DRD3: variants seen among roughly 807,000 people sequenced by gnomAD.
The protein encoded by DRD3 is dopamine receptor D3, also known as D(3) dopamine receptor.
A neutral mutation model predicts 36.3 loss-of-function variants in DRD3; 19 were observed. The observed-to-expected ratio is 0.52, with a 90% CI of 0.36 to 0.77. The LOEUF is 0.77. Among genes scored for constraint, DRD3 ranks in the 30% least tolerant of loss-of-function variants. DRD3 has a pLI of 0.00. For synonymous variants in DRD3, 195 were observed against 203.7 expected (o/e 0.96, Z 0.36); for missense variants, 465 against 505.3 (o/e 0.92, Z 0.77).
intron 1 of DRD3, among the ~76,000 whole-genome samples, chr3:114,189,837 G>A (rs1445020193): frequency 6.6e-6 from 1 of 152,148 alleles, no homozygotes; most frequent in Non-Finnish European, 1.5e-5. Flanking sequence ...CTGAACCCTT[G>A]AACCTAGCAC....
rs963538087 is a variant in DRD3, at chr3:114,128,904, T to C, written c.1015A>G (p.Ile339Val). 3.1e-6 allele frequency: 5 copies of C among 1,597,818 alleles called. No homozygotes were observed. The highest frequency in any genetic ancestry group is 4.3e-6 in the Non-Finnish European group (5 of 1,172,178). ...AAGAAGAAGGGCAGCCAGCAGACAATGAAGGCCCCTAAGTTGCCAAATAAG... is the reference window on the plus strand; with the variant it reads ...AAGAAGAAGGGCAGCCAGCAGACAACGAAGGCCCCTAAGTTGCCAAATAAG... Reference protein sequence around the residue: ...QMVAIVLGAFIVCWLPFFLTH... With the variant: ...QMVAIVLGAFVVCWLPFFLTH... The change falls in exon 7 of 7, where the codon ATT becomes GTT. Residue 339 changes from isoleucine (I) to valine (V), a missense_variant. Physicochemically the swap from Ile to Val is conservative, Grantham distance 29. Coordinates refer to ENST00000383673, the MANE Select transcript of DRD3 (RefSeq NM_000796.6).
chr3:114,195,045 T>C (rs1291777511), intron 1 of DRD3, among the ~76,000 whole-genome samples: 1 of 152,190 alleles, frequency 6.6e-6, no homozygotes, highest in African/African-American at 2.4e-5. Context: ...TCAGTGATTT[T>C]CTTTCAAAAG....
At chr3:114,183,002 A>G (rs2077956482), upstream of DRD3, among the ~76,000 whole-genome samples, 3 of 152,292 alleles carry the variant, frequency 2.0e-5, no homozygotes, top group Middle Eastern at 3.4e-3. Context: ...TCTTTTAGAT[A>G]TATATCCAGA....
intron 4 of DRD3, among the ~76,000 whole-genome samples, chr3:114,144,400 A>G (rs2077553229): frequency 6.6e-6 from 1 of 152,336 alleles, no homozygotes; most frequent in South Asian, 2.1e-4. Flanking sequence ...GAAGGTGTAG[A>G]AAAAATGACT....
upstream of DRD3, among the ~76,000 whole-genome samples, chr3:114,183,190 T>G (rs2077957270): frequency 6.6e-6 from 1 of 152,262 alleles, no homozygotes; most frequent in Non-Finnish European, 1.5e-5. Flanking sequence ...GATCCACTGA[T>G]TCTTTAAAAG....
chr3:114,157,106 T>C (rs2077688817), intron 3 of DRD3, among the ~76,000 whole-genome samples: 1 of 151,118 alleles, frequency 6.6e-6, no homozygotes, highest in Admixed American at 6.6e-5. Context: ...CAGGCTGGAG[T>C]GCAATGGTGC....
In DRD3 at chr3:114,139,845, A is replaced by G. The variant is rs971565959; in HGVS notation, c.527-149T>C. The stretch of plus-strand genomic sequence containing the variant: ...TGCAGTCTCAGATACGTATACTGTC[A>G]GGTCCTTGAGGGTAGAAGGTCTAAT... On this transcript the variant is annotated intron_variant, in intron 4 of 6. Transcript: ENST00000383673. The G allele has an allele frequency of 1.8e-5, 12 of 649,424 alleles. No homozygotes were observed. In the African/African-American group the frequency reaches 2.2e-4, roughly 12 times the overall value. The allele number at this position is 649,424 out of a possible 1,614,324, so 40.2% of individuals were successfully genotyped here.
upstream of DRD3, among the ~76,000 whole-genome samples, chr3:114,180,487 G>A (rs1278638168): frequency 3.3e-5 from 5 of 152,096 alleles, no homozygotes; most frequent in Non-Finnish European, 5.9e-5. Context: ...ACAGAGGAAA[G>A]GACACAGGAA....
intron 4 of DRD3, among the ~76,000 whole-genome samples, chr3:114,145,705 A>G (rs192690403): frequency 1.7e-4 from 26 of 152,316 alleles, no homozygotes; most frequent in African/African-American, 6.3e-4. Flanking sequence ...TAGACTCCAA[A>G]TTTGCCTTGA....
At chr3:114,156,751 C>A (rs1342976012) in intron 3 of DRD3, among the ~76,000 whole-genome samples, 1 of 98,930 alleles carries the variant, frequency 1.0e-5, no homozygotes, top group Non-Finnish European at 2.2e-5. Flanking sequence ...CTTTTTCTTT[C>A]TTTCTTTCTT....
At chr3:114,168,650 A>C (rs932972849) in intron 2 of DRD3, among the ~76,000 whole-genome samples, 2 of 152,258 alleles carry the variant, frequency 1.3e-5, no homozygotes, top group East Asian at 3.9e-4. Context: ...CAAGATAAAG[A>C]ACTAAGCCAG....
intron 2 of DRD3, among the ~76,000 whole-genome samples, chr3:114,167,243 C>T (rs1355188753): frequency 6.6e-6 from 1 of 152,120 alleles, no homozygotes; most frequent in Non-Finnish European, 1.5e-5. Context: ...GTTTAGTATT[C>T]CAAATGTTCC....
At position 114,128,756 on chromosome 3, in the gene DRD3, A is replaced by T. The variant is rs371591312; in HGVS notation, c.1163T>A (p.Ile388Asn). ...CTTGAGGAAGGCTTTCCGGAACTCG[A>T]TATTGAAGGTGGTATAGATCACAGG... ...LNPVIYTTFN[I>N]EFRKAFLKIL... The change falls in exon 7 of 7, where the codon ATC becomes AAC. Residue 388 changes from isoleucine to asparagine, a missense_variant. Transcript: ENST00000383673. The T allele has an allele frequency of 1.9e-6, 3 of 1,610,650 alleles. No individual in the cohort carries two copies. The highest frequency in any genetic ancestry group is 2.2e-5 in the East Asian group (1 of 44,830).
intron 2 of DRD3, among the ~76,000 whole-genome samples, chr3:114,168,962 C>G (rs1324387379): frequency 6.6e-6 from 1 of 151,268 alleles, no homozygotes; most frequent in Non-Finnish European, 1.5e-5. Flanking sequence ...TGGTGTTCTT[C>G]TCATGTACAT....
intron 3 of DRD3, among the ~76,000 whole-genome samples, chr3:114,152,450 T>G (rs1026115398): frequency 2.0e-5 from 3 of 152,254 alleles, no homozygotes; most frequent in Admixed American, 1.3e-4. Context: ...TTTTGTTCAC[T>G]TGGATAAGAA....
chr3:114,138,844 T>C (rs895448131), intron 5 of DRD3, among the ~76,000 whole-genome samples: 2 of 152,212 alleles, frequency 1.3e-5, no homozygotes, highest in African/African-American at 4.8e-5. Flanking sequence ...CCACTGTCCC[T>C]TCCCTAGTAG....
intron 1 of DRD3, among the ~76,000 whole-genome samples, chr3:114,194,778 G>A (rs1386192333): frequency 6.6e-6 from 1 of 151,628 alleles, no homozygotes; most frequent in African/African-American, 2.4e-5. Flanking sequence ...TCCTACCATT[G>A]CTTCCTTCCA....
rs1210258824 is a variant in DRD3, at chr3:114,159,438, C to G, written c.383+317G>C. On this transcript the variant is annotated intron_variant, in intron 3 of 6. Transcript: ENST00000383673. ...TCAGCTCACCTTTCCTCCTTCTCCC[C>G]CTCCCTAATGGGAAGCTTTCCTTCC... Among the ~76,000 whole-genome samples the G allele has an allele frequency of 2.0e-5, 3 of 151,944 alleles. No individual in the cohort carries two copies. In the East Asian group the frequency reaches 5.8e-4, roughly 29 times the overall value.
At chr3:114,137,869 G>A (rs1236535635) in intron 5 of DRD3, among the ~76,000 whole-genome samples, 4 of 151,238 alleles carry the variant, frequency 2.6e-5, no homozygotes, top group East Asian at 3.9e-4. Flanking sequence ...GTGATGGTGG[G>A]CGCCTGTAGT....
Sources: allele counts gnomAD v4.1 joint callset (sites outside exome capture counted in the v4.1 genomes callset), GRCh38; gene constraint gnomAD v4.1.1; transcripts MANE v1.5; gene names NCBI Gene and HGNC (gene_info 2026-07-23, HGNC 2026-07-21).